Variants in ITGA11 observed in about 807,000 individuals in gnomAD.
ITGA11 encodes the protein integrin alpha-11.
In ITGA11, 97 loss-of-function variants were observed where a neutral mutation model predicts 141.9. The ratio of observed to expected loss-of-function variants is 0.68; its 90% CI spans 0.58 to 0.81. The LOEUF (loss-of-function observed/expected upper bound fraction) is 0.81, where lower values mean the gene tolerates loss of function less well. Among genes scored for constraint, ITGA11 ranks in the 30% least tolerant of loss-of-function variants. The pLI is 0.00. For synonymous variants in ITGA11, 658 were observed against 624.6 expected, an observed-to-expected ratio of 1.05 and a Z score of -0.80; for missense variants, 1,387 against 1,559.2, an observed-to-expected ratio of 0.89 and a Z score of 1.86.
At chr15:68,396,361 C>T (rs1374948767) in intron 2 of ITGA11, among the ~76,000 whole-genome samples, 2 of 151,790 alleles carry the variant, frequency 1.3e-5, no homozygotes, top group Non-Finnish European at 2.9e-5. Context: ...AATTCAGCAC[C>T]TGTTCATAAT....
At chr15:68,344,379 C>T (rs945680203) in intron 10 of ITGA11, among the ~76,000 whole-genome samples, 15 of 152,180 alleles carry the variant, frequency 9.9e-5, no homozygotes, top group African/African-American at 3.4e-4. Context: ...GAATCAGATA[C>T]GCAAAACCAG....
chr15:68,338,954 G>A (rs1894464780), intron 11 of ITGA11, among the ~76,000 whole-genome samples: 2 of 152,214 alleles, frequency 1.3e-5, no homozygotes, highest in African/African-American at 4.8e-5. Flanking sequence ...GACTGCTCCT[G>A]CAGAGCTGGA....
At chr15:68,344,797 A>G (rs959631628) in intron 10 of ITGA11, among the ~76,000 whole-genome samples, 5 of 152,116 alleles carry the variant, frequency 3.3e-5, no homozygotes, top group African/African-American at 1.2e-4. Flanking sequence ...TACAAGAGAA[A>G]AAGGATCTCT....
chr15:68,353,756 A>G (rs908250450), intron 7 of ITGA11, among the ~76,000 whole-genome samples: 1 of 152,156 alleles, frequency 6.6e-6, no homozygotes, highest in African/African-American at 2.4e-5. Flanking sequence ...AGAGTGGCCC[A>G]TGGAGATTTA....
intron 15 of ITGA11, among the ~76,000 whole-genome samples, chr15:68,329,194 A>C (rs940740746): frequency 2.0e-5 from 3 of 152,136 alleles, no homozygotes; most frequent in Non-Finnish European, 4.4e-5. Flanking sequence ...TGATCTTTGC[A>C]ATGGGGGATT....
At chr15:68,369,349 GCCT>G in intron 2 of ITGA11, 65 bp from the exon 3 acceptor site, 1 of 1,037,572 alleles carries the variant, frequency 9.6e-7, no homozygotes, top group Non-Finnish European at 1.5e-6. Flanking sequence ...AGAGGATGGA[GCCT>G]GGTGGGCAGT....
chr15:68,415,158 G>A (rs1896859438), intron 1 of ITGA11, among the ~76,000 whole-genome samples: 1 of 152,216 alleles, frequency 6.6e-6, no homozygotes, highest in Non-Finnish European at 1.5e-5. Context: ...TTCTTCTGAA[G>A]GAAGCGCTAT....
In ITGA11 at chr15:68,409,533, GGTACTGATAGGTA is replaced by G. The variant is rs1393093715; in HGVS notation, c.53-6517_53-6505del. Among the ~76,000 whole-genome samples the G allele has an allele frequency of 2.6e-5, 4 of 151,658 alleles. No homozygotes were observed. The East Asian group carries it at 7.8e-4, about 29-fold the overall frequency. Reference sequence around the variant, plus strand: ...CCTATCAGTACTACCTGATTAGGTAGGTACTGATAGGTAGTACTGATACTCTACCTATCAGTAC... The same window carrying G: ...CCTATCAGTACTACCTGATTAGGTAGGTACTGATACTCTACCTATCAGTAC... On this transcript the variant is annotated intron_variant, in intron 1 of 29. Coordinates refer to ENST00000315757, the MANE Select transcript of ITGA11 (RefSeq NM_001004439.2).
intron 1 of ITGA11, among the ~76,000 whole-genome samples, chr15:68,408,168 A>G (rs909800063): frequency 1.3e-5 from 2 of 151,908 alleles, no homozygotes; most frequent in African/African-American, 4.8e-5. Flanking sequence ...TGCATGTGCC[A>G]TTTCCTCTGC....
chr15:68,332,058 A>C lies in ITGA11; in HGVS notation c.1571T>G (p.Leu524Arg), dbSNP rs7168069. 1,334,782 of 1,593,132 alleles carry C rather than the reference A, an allele frequency of 0.84. 560,427 individuals carry two copies. The highest frequency in any genetic ancestry group is 0.92 in the East Asian group (40,574 of 44,074). The change falls in exon 14 of 30, where the codon CTG becomes CGG. Residue 524 changes from leucine (L) to arginine (R), a missense_variant. Leu to Arg is a moderately radical substitution (Grantham distance 102). Coordinates refer to ENST00000315757, the MANE Select transcript of ITGA11 (RefSeq NM_001004439.2). The stretch of plus-strand genomic sequence containing the variant: ...CTTTAGCGTTCCGTTATAAACAAAC[A>C]GGTTCTGCAAAACCAGGGGCAGAAA... ...KVYVYELRQN[L>R]FVYNGTLKDS...
At chr15:68,332,503 A>C (rs776291659) in intron 12 of ITGA11, 25 bp from the exon 13 acceptor site, 1 of 1,607,678 alleles carries the variant, frequency 6.2e-7, no homozygotes, top group Non-Finnish European at 8.5e-7. Context: ...GGGAGAGAGG[A>C]GTGGGCTGGC....
chr15:68,329,802 G>A (rs1894096766), intron 15 of ITGA11, among the ~76,000 whole-genome samples: 1 of 152,178 alleles, frequency 6.6e-6, no homozygotes, highest in African/African-American at 2.4e-5. Flanking sequence ...ATGCAGCACA[G>A]ACCTTCGAAG....
Position 68,305,389 on chromosome 15 carries a change from GTTTATA to G in ITGA11, c.3382-1510_3382-1505del, listed in dbSNP as rs1339433090. ...GTAGCCCTTATCACCAGTTGATAACGTTTATATTTATGTTTATTGCCTGCCTGGAAT... is the reference window on the plus strand; with the variant it reads ...GTAGCCCTTATCACCAGTTGATAACGTTTATGTTTATTGCCTGCCTGGAAT... On this transcript the variant is annotated intron_variant, in intron 28 of 29. Transcript: ENST00000315757. The surrounding 1 kb of genome is among the most constrained non-coding windows in gnomAD (Gnocchi z 4.6). Among the ~76,000 whole-genome samples, 10 of 152,166 alleles carry G rather than the reference GTTTATA, an allele frequency of 6.6e-5. No homozygotes were observed. Among genetic ancestry groups the G allele is most frequent in the Non-Finnish European group, 1.0e-4 (7 of 68,028 alleles).
rs1893972304 is a variant in ITGA11 at position 68,326,408 on chromosome 15, C to G, written c.2211+246G>C. Among the ~76,000 whole-genome samples the G allele has an allele frequency of 6.6e-6, 1 of 152,120 alleles. No homozygotes were observed. The highest frequency in any genetic ancestry group is 6.5e-5 in the Admixed American group (1 of 15,282). On this transcript the variant is annotated intron_variant, in intron 17 of 29. Transcript: ENST00000315757. This position sits in a 1 kb window ranked among gnomAD's most constrained non-coding sequence, Gnocchi z 6.8. ...CTGGACCTACTGAGCCCACCTTCCT[C>G]CCTTCGGCATCTGAGAGTGGCAGGA...
chr15:68,336,071 G>A, intron 11 of ITGA11: 2 of 587,796 alleles, frequency 3.4e-6, no homozygotes, highest in Non-Finnish European at 3.0e-6. Context: ...AGAACTCACT[G>A]CACCCCAGCC....
chr15:68,347,597 C>G lies in ITGA11; in HGVS notation c.1131+1233G>C, dbSNP rs979359679. ...GCCGGCTGCATGTCACGCACATGTC[C>G]CCCTCCCCTCCAGTTTGGAAGTTCT... is the stretch of plus-strand genomic sequence containing the variant. On this transcript the variant is annotated intron_variant, in intron 10 of 29. Transcript: ENST00000315757. Among the ~76,000 whole-genome samples, 7 of 152,228 alleles carry G rather than the reference C, an allele frequency of 4.6e-5. No homozygotes were observed. In the South Asian group the frequency reaches 1.5e-3, roughly 32 times the overall value.
rs1893893048 is a variant in ITGA11, at chr15:68,324,080, C to T, written c.2322+1051G>A. Among the ~76,000 whole-genome samples, 1 of 152,072 alleles carries T rather than the reference C, an allele frequency of 6.6e-6. No homozygotes were observed. Among genetic ancestry groups the T allele is most frequent in the Non-Finnish European group, 1.5e-5 (1 of 68,020 alleles). Reference sequence around the variant, plus strand: ...TAGTGCGCCCAGCTTTCCCCTTCTCCCGGCTCACTAACGATGAATCCAGCT... The same window carrying T: ...TAGTGCGCCCAGCTTTCCCCTTCTCTCGGCTCACTAACGATGAATCCAGCT... On this transcript the variant is annotated intron_variant, in intron 18 of 29. Coordinates refer to ENST00000315757, the MANE Select transcript of ITGA11 (RefSeq NM_001004439.2). The surrounding 1 kb of genome is among the most constrained non-coding windows in gnomAD (Gnocchi z 6.3).
At chr15:68,387,654 C>G (rs993759298) in intron 2 of ITGA11, among the ~76,000 whole-genome samples, 1 of 152,110 alleles carries the variant, frequency 6.6e-6, no homozygotes, top group Non-Finnish European at 1.5e-5. Flanking sequence ...ATAAACATTC[C>G]CTTACATCCG....
intron 2 of ITGA11, among the ~76,000 whole-genome samples, chr15:68,400,575 AATAT>A (rs1173336612): frequency 1.9e-5 from 2 of 107,506 alleles, no homozygotes; most frequent in South Asian, 4.6e-4. Flanking sequence ...ATATATACAG[AATAT>A]ATATATTTTA....
Sources: gnomAD v4.1 joint callset for allele counts (sites outside exome capture counted in the v4.1 genomes callset) on GRCh38, gnomAD v4.1.1 for gene constraint, Gnocchi (gnomAD v3.1) non-coding constraint, MANE v1.5 for transcripts, NCBI Gene and HGNC (gene_info 2026-07-23, HGNC 2026-07-21) for gene names.